The following WDR59 variants were observed in gnomAD, a reference collection of about 807,000 sequenced individuals.
WDR59 encodes GATOR2 complex protein WDR59.
In WDR59, 100 loss-of-function variants were observed where a neutral mutation model predicts 131.2. The observed-to-expected ratio is 0.76, with a 90% CI of 0.65 to 0.90. WDR59 has a LOEUF of 0.90. Among genes scored for constraint, WDR59 ranks in the 40% least tolerant of loss-of-function variants. WDR59 has a pLI of 0.00. For missense variants in WDR59, 1,203 were observed against 1,262.2 expected (o/e 0.95, Z 0.71); for synonymous variants, 601 against 466.2 (o/e 1.29, Z -3.72).
chr16:74,920,713 A>G (rs1042712289), intron 10 of WDR59, among the ~76,000 whole-genome samples: 1 of 152,216 alleles, frequency 6.6e-6, no homozygotes, highest in Non-Finnish European at 1.5e-5. Flanking sequence ...TCTACTTATG[A>G]TATTTTCAAC....
At chr16:74,984,305 A>C (rs745669108) in intron 1 of WDR59, among the ~76,000 whole-genome samples, 3 of 152,036 alleles carry the variant, frequency 2.0e-5, no homozygotes, top group Non-Finnish European at 4.4e-5. Context: ...TAAATTAAAT[A>C]GAAAATTAAA....
intron 2 of WDR59, among the ~76,000 whole-genome samples, chr16:74,960,761 A>T (rs1288008828): frequency 6.6e-6 from 1 of 151,724 alleles, no homozygotes; most frequent in Non-Finnish European, 1.5e-5. Flanking sequence ...AATAAAAAAA[A>T]AAAAAAAAAG....
intron 17 of WDR59, among the ~76,000 whole-genome samples, chr16:74,907,256 G>A (rs1308928762): frequency 6.6e-6 from 1 of 152,088 alleles, no homozygotes; most frequent in Non-Finnish European, 1.5e-5. Context: ...ATTCATAACT[G>A]ATATGGTTAG....
chr16:74,984,499 C>A, intron 1 of WDR59: 1 of 193,552 alleles, frequency 5.2e-6, no homozygotes, highest in Non-Finnish European at 1.1e-5. Context: ...ACCACTTAAC[C>A]GCGTAGACGC....
intron 1 of WDR59, among the ~76,000 whole-genome samples, chr16:74,970,448 A>G (rs113694598): frequency 0.078 from 11,120 of 143,454 alleles, 495 homozygotes; most frequent in Middle Eastern, 0.15. Flanking sequence ...GTGAGCCAAG[A>G]TGCGCCACTG....
At chr16:74,905,542 C>A (rs1427591390) in intron 17 of WDR59, among the ~76,000 whole-genome samples, 1 of 151,316 alleles carries the variant, frequency 6.6e-6, no homozygotes, top group Non-Finnish European at 1.5e-5. Context: ...ATTAGCCAGG[C>A]GTGGTGGCGG....
At chr16:74,932,272 T>C (rs1346055850) in intron 8 of WDR59, among the ~76,000 whole-genome samples, 1 of 151,640 alleles carries the variant, frequency 6.6e-6, no homozygotes, top group African/African-American at 2.4e-5. Context: ...TTTTATTTTT[T>C]AGAAACAGGG....
chr16:74,961,317 C>CA (rs1007321921), intron 2 of WDR59, among the ~76,000 whole-genome samples: 10 of 151,672 alleles, frequency 6.6e-5, no homozygotes, highest in African/African-American at 1.7e-4. Context: ...ACAACAACAA[C>CA]AAAAAAAACC....
chr16:74,888,060 G>A, intron 22 of WDR59, 109 bp downstream of exon 22: 3 of 1,359,630 alleles, frequency 2.2e-6, no homozygotes, highest in Admixed American at 2.9e-5. Context: ...GGAGGTTGCA[G>A]TGAGCTGAGA....
Position 74,981,649 on chromosome 16 carries a change from TATA to T in WDR59, c.54+3312_54+3314del, listed in dbSNP as rs2034425662. 9.1e-3 allele frequency among the ~76,000 whole-genome samples: 51 copies of T among 5,608 alleles called. 2 individuals are homozygous for T. The highest frequency in any genetic ancestry group is 0.018 in the Admixed American group (8 of 444). 3.7% of individuals were successfully genotyped at this position (5,608 alleles called of 152,430 possible). A position where few individuals can be genotyped will look rare whatever the true frequency, so the allele number is the denominator to read the frequency against. On this transcript the variant is annotated intron_variant, in intron 1 of 25. Transcript: ENST00000262144. ...ATATATATATATATATATATATATA[TATA>T]TATATATATTTTTTTTTTTTTTAGA...
chr16:74,981,483 A>G lies in WDR59; in HGVS notation c.54+3481T>C, dbSNP rs565926899. Among the ~76,000 whole-genome samples the G allele has an allele frequency of 8.7e-5, 13 of 149,926 alleles. No individual in the cohort carries two copies. The East Asian group carries it at 2.0e-3, about 23-fold the overall frequency. On this transcript the variant is annotated intron_variant, in intron 1 of 25. Transcript: ENST00000262144. ...TGAGGTGGGAAGATCACTTGATACC[A>G]TAAGGTTGAGGCTGAGGTGAGCCAA...
At position 74,874,303 on chromosome 16, in the gene WDR59, C is replaced by G. The variant is rs1240549989; in HGVS notation, c.2831G>C (p.Gly944Ala). 2 of 1,613,996 alleles carry G rather than the reference C, an allele frequency of 1.2e-6. No homozygotes were observed. Among genetic ancestry groups the G allele is most frequent in the Non-Finnish European group, 1.7e-6 (2 of 1,180,034 alleles). ...SSNFCLTCGH[G>A]GHTSHMMEWF... Reference sequence around the variant, plus strand: ...CTCCATCATGTGGCTGGTGTGGCCACCGTGCCCACAGGTCAGGCAGAAATT... The same window carrying G: ...CTCCATCATGTGGCTGGTGTGGCCAGCGTGCCCACAGGTCAGGCAGAAATT... Residue 944 changes from glycine to alanine, a missense_variant, in exon 26 of 26, where the codon GGT becomes GCT. Gly to Ala is a moderately conservative substitution (Grantham distance 60, BLOSUM62 0). Coordinates refer to ENST00000262144, the MANE Select transcript of WDR59 (RefSeq NM_030581.4).
intron 1 of WDR59, among the ~76,000 whole-genome samples, chr16:74,970,880 A>G (rs1277623215): frequency 3.3e-5 from 5 of 149,984 alleles, no homozygotes; most frequent in African/African-American, 1.0e-4. Context: ...TGATTAAACC[A>G]CACCTTTTAA....
At chr16:74,915,734 G>C in intron 13 of WDR59, 136 bp downstream of exon 13, 1 of 1,371,482 alleles carries the variant, frequency 7.3e-7, no homozygotes, top group Non-Finnish European at 1.0e-6. Context: ...AGAAAACCCA[G>C]GAAATAAAAA....
chr16:74,940,737 GCT>G (rs2032152078), intron 7 of WDR59, among the ~76,000 whole-genome samples: 1 of 151,946 alleles, frequency 6.6e-6, no homozygotes, highest in Admixed American at 6.6e-5. Flanking sequence ...ACGGAGTCTT[GCT>G]CTGTCATCCA....
intron 1 of WDR59, among the ~76,000 whole-genome samples, chr16:74,971,426 CTTTTTTT>C (rs58120924): frequency 4.4e-5 from 4 of 90,178 alleles, no homozygotes; most frequent in Admixed American, 3.1e-4. Context: ...TCTTTCCTTC[CTTTTTTT>C]TTTTTTTTTT....
At chr16:74,928,692 A>C (rs2031103500) in intron 8 of WDR59, among the ~76,000 whole-genome samples, 1 of 152,076 alleles carries the variant, frequency 6.6e-6, no homozygotes. Flanking sequence ...ACTTGAGGTC[A>C]GGAGTTCGAG....
chr16:74,956,976 T>G (rs1011635466), intron 2 of WDR59, among the ~76,000 whole-genome samples: 1 of 152,224 alleles, frequency 6.6e-6, no homozygotes, highest in African/African-American at 2.4e-5. Flanking sequence ...AGTTTGCATT[T>G]TGACCACAGC....
chr16:74,984,979 C>G lies in WDR59; in HGVS notation c.39G>C (p.Glu13Asp). Residue 13 changes from glutamate (E) to aspartate (D), a missense_variant, in exon 1 of 26, where the codon GAG (glutamate) becomes GAC (aspartate). Transcript: ENST00000262144. ...ARWSSENVVV[E>D]FRDSQATAMS... is the part of the protein sequence containing the mutation. ...TCTAGCTCACCTGGGAGTCACGGAA[C>G]TCTACAACCACGTTTTCGCTGCTCC... 1 of 1,602,920 alleles carries G rather than the reference C, an allele frequency of 6.2e-7. No homozygotes were observed. The highest frequency in any genetic ancestry group is 8.5e-7 in the Non-Finnish European group (1 of 1,174,992).
Sources: gnomAD v4.1 joint callset for allele counts (sites outside exome capture counted in the v4.1 genomes callset) on GRCh38, gnomAD v4.1.1 for gene constraint, MANE v1.5 for transcripts, NCBI Gene and HGNC (gene_info 2026-07-23, HGNC 2026-07-21) for gene names.